The following AQP7 variants were observed in gnomAD, a reference collection of about 807,000 sequenced individuals.
The protein encoded by AQP7 is aquaporin-7.
Under a neutral mutation model 26.1 loss-of-function variants are expected in AQP7, and 22 were observed. The observed-to-expected ratio is 0.84, with a 90% CI of 0.60 to 1.20. AQP7 has a LOEUF of 1.20. Ranked by LOEUF, AQP7 falls within the 50% of genes most tolerant of loss-of-function variation. The pLI, the probability that AQP7 is intolerant of heterozygous loss-of-function variation, is 0.00. For missense variants in AQP7, 412 were observed against 457.5 expected (o/e 0.90, Z 0.91); for synonymous variants, 167 against 181.7 (o/e 0.92, Z 0.65).
rs1272894972 is a variant in AQP7, at chr9:33,383,931, A to G, written c.*1074T>C. ...TGCACTCACCTTCTTCCATATAATT[A>G]CCTGTCCCCCATTAAACTGCAACCC... On this transcript the variant is annotated 3_prime_UTR_variant, in exon 8 of 8. Coordinates refer to ENST00000297988, the MANE Select transcript of AQP7 (RefSeq NM_001170.3). 2.6e-5 allele frequency: 4 copies of G among 152,136 alleles called. No homozygotes were observed. The highest frequency in any genetic ancestry group is 7.3e-5 in the African/African-American group (3 of 41,354). 9.4% of individuals were successfully genotyped at this position (152,136 alleles called of 1,614,324 possible). A position where few individuals can be genotyped will look rare whatever the true frequency, so the allele number is the denominator to read the frequency against.
At chr9:33,388,441 C>T (rs1319932808) in intron 3 of AQP7, among the ~76,000 whole-genome samples, 1 of 152,224 alleles carries the variant, frequency 6.6e-6, no homozygotes, top group East Asian at 1.9e-4. Context: ...GACTCACTCA[C>T]TGGCTCTCCT....
intron 2 of AQP7, 186 bp downstream of exon 2, chr9:33,401,051 G>A (rs1826235761): frequency 1.5e-6 from 1 of 660,556 alleles, no homozygotes; most frequent in East Asian, 2.8e-5. Context: ...CCAGGACCCA[G>A]CCCAGGCAAC....
chr9:33,386,809 A>G (rs4008676), intron 4 of AQP7, among the ~76,000 whole-genome samples, 160 bp downstream of exon 4: 6,530 of 149,468 alleles, frequency 0.044, 186 homozygotes, highest in Admixed American at 0.058. Context: ...ATCTGGGGCA[A>G]ACACGTCATA....
At chr9:33,392,184 T>G (rs1294474310) in intron 3 of AQP7, among the ~76,000 whole-genome samples, 1 of 151,988 alleles carries the variant, frequency 6.6e-6, no homozygotes, top group African/African-American at 2.4e-5. Context: ...CATGGTGGCA[T>G]GCACCTGTAA....
chr9:33,395,199 A>G lies in AQP7; in HGVS notation c.27-4T>C, dbSNP rs745312961. On this transcript the variant is annotated splice_polypyrimidine_tract_variant and splice_region_variant and intron_variant, in intron 2 of 7. Coordinates refer to ENST00000297988, the MANE Select transcript of AQP7 (RefSeq NM_001170.3). ...CATTTTGGAGCCACGGGTGGACCTA[A>G]GACAGTGGCCCGAGCCCATGGACAG... 1 of 1,608,400 alleles carries G rather than the reference A, an allele frequency of 6.2e-7. No individual in the cohort carries two copies. The highest frequency in any genetic ancestry group is 8.5e-7 in the Non-Finnish European group (1 of 1,174,968).
chr9:33,385,269 C>T lies in AQP7; in HGVS notation c.765G>A (p.Trp255Ter). ...CCAGAAGTGGTGCCACCACTGGCAC[C>T]CACCACCAGTTCTCCCCATTGCTGC... The part of the protein sequence containing the change: ...QVFSNGENWW[W>*]VPVVAPLLGA... The change falls in exon 8 of 8, where the codon TGG becomes TGA. Residue 255 changes from tryptophan to a stop codon, truncating the protein, a stop_gained. Coordinates refer to ENST00000297988, the MANE Select transcript of AQP7 (RefSeq NM_001170.3). LOFTEE classifies it low-confidence loss of function (END_TRUNC). 6.2e-7 allele frequency: 1 copy of T among 1,611,034 alleles called. No homozygotes were observed. Among genetic ancestry groups the T allele is most frequent in the East Asian group, 2.2e-5 (1 of 44,856 alleles).
intron 3 of AQP7, among the ~76,000 whole-genome samples, chr9:33,392,845 G>A (rs1825534621): frequency 6.6e-6 from 1 of 152,152 alleles, no homozygotes; most frequent in Non-Finnish European, 1.5e-5. Flanking sequence ...CAATACATGG[G>A]TACCACAGGT....
chr9:33,395,335 G>A (rs1825770917), intron 2 of AQP7, 140 bp from the exon 3 acceptor site: 3 of 694,434 alleles, frequency 4.3e-6, no homozygotes, highest in Admixed American at 4.8e-5. Context: ...AGGGCAGCTG[G>A]GACAGCTGGA....
At chr9:33,386,308 G>A (rs1159081544) in intron 5 of AQP7, 96 bp downstream of exon 5, 19 of 1,593,740 alleles carry the variant, frequency 1.2e-5, no homozygotes, top group Admixed American at 1.7e-5. Flanking sequence ...TTTTCTCCCA[G>A]CTATTTTTTA....
intron 3 of AQP7, among the ~76,000 whole-genome samples, chr9:33,389,451 A>C (rs1352598779): frequency 3.3e-5 from 5 of 152,206 alleles, no homozygotes; most frequent in Admixed American, 6.5e-5. Context: ...CTGGGATTAC[A>C]GGTGTGAGCC....
At chr9:33,396,618 C>A (rs1374378697) in intron 2 of AQP7, among the ~76,000 whole-genome samples, 1 of 147,004 alleles carries the variant, frequency 6.8e-6, no homozygotes, top group Non-Finnish European at 1.5e-5. Flanking sequence ...TTTGCACATG[C>A]CAGTCCTACG....
At chr9:33,388,802 A>G (rs12005589) in intron 3 of AQP7, among the ~76,000 whole-genome samples, 1 of 152,210 alleles carries the variant, frequency 6.6e-6, no homozygotes. Flanking sequence ...GATGGCCTCA[A>G]ACCAAACAAC....
chr9:33,385,408 C>T (rs1407730122), intron 7 of AQP7, 118 bp from the exon 8 acceptor site: 20 of 1,248,614 alleles, frequency 1.6e-5, no homozygotes, highest in Admixed American at 2.3e-5. Context: ...CCAGGAAACA[C>T]CCCCAACCCA....
chr9:33,385,344 C>G, intron 7 of AQP7, 54 bp from the exon 8 acceptor site: 1 of 1,557,440 alleles, frequency 6.4e-7, no homozygotes, highest in Non-Finnish European at 8.7e-7. Context: ...GGACAGCACC[C>G]TCATCCACCT....
At chr9:33,390,027 C>CAA (rs778333672) in intron 3 of AQP7, among the ~76,000 whole-genome samples, 12 of 78,572 alleles carry the variant, frequency 1.5e-4, no homozygotes, top group Admixed American at 6.8e-4. Flanking sequence ...GACTCCGTCT[C>CAA]AAAAAAAAAA....
At chr9:33,397,221 T>C (rs1159424256) in intron 2 of AQP7, among the ~76,000 whole-genome samples, 3 of 151,850 alleles carry the variant, frequency 2.0e-5, no homozygotes, top group Non-Finnish European at 4.4e-5. Flanking sequence ...GTAGATTCAA[T>C]AAATCTTTGG....
chr9:33,395,234 T>C lies in AQP7; in HGVS notation c.27-39A>G, dbSNP rs764015104. ...CCGAGCCCATGGACAGAAAGGAGAC[T>C]CAAGTCTGCCTGCTGCCCATCGGCT... is the stretch of plus-strand genomic sequence containing the variant. On this transcript the variant is annotated intron_variant, in intron 2 of 7. Transcript: ENST00000297988. 6 of 1,557,680 alleles carry C rather than the reference T, an allele frequency of 3.9e-6. No individual in the cohort carries two copies. The South Asian group carries it at 4.5e-5, about 12-fold the overall frequency.
chr9:33,390,539 G>C (rs1825292813), intron 3 of AQP7, among the ~76,000 whole-genome samples: 1 of 152,114 alleles, frequency 6.6e-6, no homozygotes, highest in African/African-American at 2.4e-5. Context: ...AAATAGCCCA[G>C]ATATGGTGGG....
rs572767553 is a variant in AQP7, at chr9:33,391,927, C to A, written c.144+3151G>T. Among the ~76,000 whole-genome samples the A allele has an allele frequency of 3.1e-4, 47 of 152,292 alleles. 1 individual carries two copies. The highest frequency in any genetic ancestry group is 1.1e-3 in the African/African-American group (45 of 41,550). On this transcript the variant is annotated intron_variant, in intron 3 of 7. Transcript: ENST00000297988. ...TCTTGAACTACCTGAAAGTGAGGAC[C>A]TTACCCTGGCTGGGGGAGCATTAAC...
Sources: allele counts gnomAD v4.1 joint callset (sites outside exome capture counted in the v4.1 genomes callset), GRCh38; gene constraint gnomAD v4.1.1; transcripts MANE v1.5; gene names NCBI Gene and HGNC (gene_info 2026-07-23, HGNC 2026-07-21).